The following DTNA variants were observed in gnomAD, a reference collection of about 807,000 sequenced individuals.
DTNA encodes dystrobrevin alpha.
DTNA carries 43 observed loss-of-function variants against 100.7 expected under a neutral mutation model. The observed-to-expected ratio is 0.43, with a 90% confidence interval of 0.33 to 0.55. The LOEUF (loss-of-function observed/expected upper bound fraction) is 0.55. DTNA is among the 20% of genes least tolerant of loss of function. The pLI is 0.04. For synonymous variants in DTNA, 349 were observed against 347.9 expected (o/e 1.00, Z -0.04); for missense variants, 798 against 953.9 (o/e 0.84, Z 2.15).
chr18:34,644,563 T>C (rs1421557924), intron 1 of DTNA, among the ~76,000 whole-genome samples: 1 of 152,238 alleles, frequency 6.6e-6, no homozygotes, highest in Admixed American at 6.5e-5. Flanking sequence ...GTTACAAGTT[T>C]GGGTTAGTCA....
chr18:34,602,794 A>G (rs2052193310), intron 1 of DTNA, among the ~76,000 whole-genome samples: 2 of 151,862 alleles, frequency 1.3e-5, no homozygotes, highest in African/African-American at 4.8e-5. Context: ...TCAGGAGACC[A>G]GGAGTTCGAG....
chr18:34,762,078 G>A (rs2093207656), intron 2 of DTNA, among the ~76,000 whole-genome samples: 1 of 152,004 alleles, frequency 6.6e-6, no homozygotes, highest in Admixed American at 6.6e-5. Flanking sequence ...AAAATATAGT[G>A]GTAATTCTAG....
At chr18:34,826,017 C>T (rs2095850856) in intron 9 of DTNA, among the ~76,000 whole-genome samples, 2 of 152,178 alleles carry the variant, frequency 1.3e-5, no homozygotes, top group South Asian at 4.1e-4. Flanking sequence ...TTTAAACTAG[C>T]CTTGCGTTGC....
At chr18:34,766,074 T>A (rs1484289991) in intron 3 of DTNA, 33 bp downstream of exon 3, 1 of 1,602,648 alleles carries the variant, frequency 6.2e-7, no homozygotes, top group Admixed American at 1.7e-5. Flanking sequence ...CTAATTACCA[T>A]CATGAATCCT....
intron 1 of DTNA, among the ~76,000 whole-genome samples, chr18:34,543,694 G>T (rs2145790775): frequency 6.6e-6 from 1 of 152,200 alleles, no homozygotes; most frequent in South Asian, 2.1e-4. Flanking sequence ...TATTAATTCA[G>T]TCAGTGTACT....
intron 1 of DTNA, among the ~76,000 whole-genome samples, chr18:34,561,496 C>T (rs531188052): frequency 1.3e-4 from 20 of 152,128 alleles, no homozygotes; most frequent in African/African-American, 4.8e-4. Flanking sequence ...GCTGCCTTCT[C>T]AACATCACAG....
intron 1 of DTNA, among the ~76,000 whole-genome samples, chr18:34,534,548 C>CGT (rs1265522680): frequency 6.6e-6 from 1 of 151,746 alleles, no homozygotes; most frequent in Non-Finnish European, 1.5e-5. Context: ...GATAGGTATA[C>CGT]GTGTTCCATG....
At position 34,819,461 on chromosome 18, in the gene DTNA, T is replaced by C. The variant is rs1247483552; in HGVS notation, c.876+1131T>C. Among the ~76,000 whole-genome samples, 3 of 152,332 alleles carry C rather than the reference T, an allele frequency of 2.0e-5. No homozygotes were observed. The East Asian group carries it at 5.8e-4, about 29-fold the overall frequency. ...CAGATAGATACATTAACACGGATCA[T>C]GAACTACAACTTAGTTTAGAAGAAA... is the stretch of plus-strand genomic sequence containing the variant. On this transcript the variant is annotated intron_variant, in intron 8 of 22. Coordinates refer to ENST00000444659, the MANE Select transcript of DTNA (RefSeq NM_001386795.1).
At chr18:34,568,658 CT>C (rs1211106302) in intron 1 of DTNA, among the ~76,000 whole-genome samples, 2 of 152,112 alleles carry the variant, frequency 1.3e-5, no homozygotes, top group African/African-American at 4.8e-5. Flanking sequence ...GAGTTTCTCT[CT>C]GTCACCCAAG....
chr18:34,508,917 TCTG>T lies in DTNA; in HGVS notation c.-2+15406_-2+15408del, dbSNP rs200450404. Among the ~76,000 whole-genome samples, 824 of 152,276 alleles carry T rather than the reference TCTG, an allele frequency of 5.4e-3. 6 individuals are homozygous for T. The highest frequency in any genetic ancestry group is 9.5e-3 in the Non-Finnish European group (646 of 67,986). On this transcript the variant is annotated intron_variant, in intron 1 of 19. Coordinates refer to the DTNA transcript ENST00000283365. ...TCTTTTTCTGTGTGAGCTGAGGAAA[TCTG>T]CTTTTCATTTAAGATGACACATATT...
At chr18:34,698,648 A>G (rs147190371) in intron 1 of DTNA, among the ~76,000 whole-genome samples, 104 of 152,368 alleles carry the variant, frequency 6.8e-4, no homozygotes, top group African/African-American at 2.4e-3. Context: ...GTAAGGTCCC[A>G]CAATAGGCTG....
rs2096877933 is a variant in DTNA at position 34,881,985 on chromosome 18, A to G, written c.2163-84A>G. 5 of 1,597,068 alleles carry G rather than the reference A, an allele frequency of 3.1e-6. No individual in the cohort carries two copies. The Admixed American group carries it at 6.7e-5, about 21-fold the overall frequency. ...GAACTAAGGGGAAATAAAGGTGCCA[A>G]CGAAACTACAGCTCACACATGAATC... On this transcript the variant is annotated intron_variant, in intron 20 of 22. Coordinates refer to ENST00000444659, the MANE Select transcript of DTNA (RefSeq NM_001386795.1).
At chr18:34,874,190 G>A (rs1336253031) in intron 17 of DTNA, among the ~76,000 whole-genome samples, 2 of 152,158 alleles carry the variant, frequency 1.3e-5, no homozygotes, top group East Asian at 1.9e-4. Flanking sequence ...TGCTCTGGTG[G>A]TATACATCTA....
intron 1 of DTNA, among the ~76,000 whole-genome samples, chr18:34,616,546 T>A (rs1057008292): frequency 2.0e-5 from 3 of 152,188 alleles, no homozygotes; most frequent in Non-Finnish European, 1.5e-5. Context: ...AGTAGTATGG[T>A]TTAAAGTTGG....
intron 13 of DTNA, among the ~76,000 whole-genome samples, chr18:34,840,104 T>G (rs2096241077): frequency 6.6e-6 from 1 of 152,238 alleles, no homozygotes; most frequent in South Asian, 2.1e-4. Context: ...AACATTTATG[T>G]GCTTTAGTAC....
chr18:34,816,034 C>T lies in DTNA; in HGVS notation c.709+20C>T. On this transcript the variant is annotated intron_variant, in intron 7 of 22. Transcript: ENST00000444659. ...AAAATGGTGAGTAGTTACTAAGGAGCAAAGGTGATTTTTTAAATTATTGAA... is the reference window on the plus strand; with the variant it reads ...AAAATGGTGAGTAGTTACTAAGGAGTAAAGGTGATTTTTTAAATTATTGAA... The T allele has an allele frequency of 1.2e-6, 2 of 1,604,280 alleles. No individual in the cohort carries two copies. Among genetic ancestry groups the T allele is most frequent in the Non-Finnish European group, 1.7e-6 (2 of 1,171,152 alleles).
chr18:34,620,539 A>T (rs2147844918), intron 1 of DTNA, among the ~76,000 whole-genome samples: 1 of 152,318 alleles, frequency 6.6e-6, no homozygotes, highest in African/African-American at 2.4e-5. Context: ...TATAAAGGAA[A>T]TATCTTTAAT....
rs774372435 is a variant in DTNA at position 34,827,619 on chromosome 18, A to G, written c.1028A>G (p.Asn343Ser). ...CCTCCCAGACCTGTAACCAGCATGA[A>G]CGACACCCTGTTCTCCCACTCTGTT... is the stretch of plus-strand genomic sequence containing the variant. ...IVPPRPVTSM[N>S]DTLFSHSVPS... Residue 343 changes from asparagine (N) to serine (S), a missense_variant, in exon 10 of 23, where the codon AAC (asparagine) becomes AGC (serine). Physicochemically the swap from Asn to Ser is conservative, Grantham distance 46. Around this residue, in one of 6 missense-constraint regions of DTNA, gnomAD observed 93 missense variants for 90.5 expected, o/e 1.03. Coordinates refer to ENST00000444659, the MANE Select transcript of DTNA (RefSeq NM_001386795.1). 8.7e-6 allele frequency: 14 copies of G among 1,613,910 alleles called. No homozygotes were observed. Among genetic ancestry groups the G allele is most frequent in the Non-Finnish European group, 1.0e-5 (12 of 1,179,834 alleles).
chr18:34,587,098 G>A (rs1429400563), intron 1 of DTNA, among the ~76,000 whole-genome samples: 1 of 151,898 alleles, frequency 6.6e-6, no homozygotes, highest in Admixed American at 6.6e-5. Flanking sequence ...TACTTGGGAG[G>A]GTCCGAGCTA....
Sources: gnomAD v4.1 joint callset for allele counts (sites outside exome capture counted in the v4.1 genomes callset) on GRCh38, gnomAD v4.1.1 for gene constraint, gnomAD v4.1.1 regional missense constraint, MANE v1.5 for transcripts, NCBI Gene and HGNC (gene_info 2026-07-23, HGNC 2026-07-21) for gene names.